The following PRKAA2 variants were observed in gnomAD, a reference collection of about 807,000 sequenced individuals.
The protein encoded by PRKAA2 is protein kinase AMP-activated catalytic subunit alpha 2.
PRKAA2 carries 40 observed loss-of-function variants against 56.3 expected under a neutral mutation model. The ratio of observed to expected loss-of-function variants is 0.71; its 90% CI spans 0.55 to 0.92. The LOEUF (loss-of-function observed/expected upper bound fraction) is 0.92. PRKAA2 is among the 40% of genes least tolerant of loss of function. The pLI is 0.00. For synonymous variants in PRKAA2, 214 were observed against 234.2 expected (o/e 0.91, Z 0.79); for missense variants, 542 against 686.9 (o/e 0.79, Z 2.36).
At position 56,645,546 on chromosome 1, in the gene PRKAA2, CG is replaced by C; in HGVS notation, c.94+68del. 3 of 1,371,856 alleles carry C rather than the reference CG, an allele frequency of 2.2e-6. No individual in the cohort carries two copies. In the African/African-American group the frequency reaches 4.6e-5, roughly 21 times the overall value. The allele number at this position is 1,371,856 out of a possible 1,614,324, so 85.0% of individuals were successfully genotyped here. On this transcript the variant is annotated intron_variant, in intron 1 of 8. Transcript: ENST00000371244. Reference sequence around the variant, plus strand: ...ACTTGCGGGAGGCCGAGGGGAGAGGCGGGAGCCCCGGGCCTCCGGCGGGCGC... The same window carrying C: ...ACTTGCGGGAGGCCGAGGGGAGAGGCGGAGCCCCGGGCCTCCGGCGGGCGC...
At chr1:56,661,106 T>G (rs2100390121) in intron 1 of PRKAA2, among the ~76,000 whole-genome samples, 1 of 152,258 alleles carries the variant, frequency 6.6e-6, no homozygotes, top group East Asian at 1.9e-4. Context: ...TGAGTTAAGG[T>G]TGCTGACCAC....
At chr1:56,664,297 A>T (rs1007103582) in intron 1 of PRKAA2, among the ~76,000 whole-genome samples, 1 of 151,424 alleles carries the variant, frequency 6.6e-6, no homozygotes, top group Admixed American at 6.6e-5. Flanking sequence ...TTTAATAGGG[A>T]CTCTTTTTAA....
intron 2 of PRKAA2, among the ~76,000 whole-genome samples, chr1:56,682,586 T>A (rs116526701): frequency 2.0e-5 from 3 of 152,128 alleles, no homozygotes; most frequent in African/African-American, 7.2e-5. Flanking sequence ...ACAAAGGGAT[T>A]TGAAGGCCTT....
intron 3 of PRKAA2, among the ~76,000 whole-genome samples, chr1:56,691,865 C>T (rs1322813848): frequency 6.6e-6 from 1 of 152,028 alleles, no homozygotes; most frequent in African/African-American, 2.4e-5. Flanking sequence ...AATATTTCTG[C>T]TTAGCGACAA....
chr1:56,676,327 C>T (rs922150395), intron 2 of PRKAA2, among the ~76,000 whole-genome samples: 4 of 151,986 alleles, frequency 2.6e-5, no homozygotes, highest in African/African-American at 9.7e-5. Flanking sequence ...AGAAAAGAGT[C>T]AGAGAAAAAG....
At chr1:56,676,561 T>A (rs1409668107) in intron 2 of PRKAA2, among the ~76,000 whole-genome samples, 1 of 152,158 alleles carries the variant, frequency 6.6e-6, no homozygotes, top group Admixed American at 6.5e-5. Context: ...GCTTTTAAGA[T>A]AAAGAACTGT....
intron 6 of PRKAA2, among the ~76,000 whole-genome samples, chr1:56,702,372 G>A (rs541256284): frequency 1.3e-5 from 2 of 152,106 alleles, no homozygotes; most frequent in Non-Finnish European, 2.9e-5. Context: ...CGTGAGCCAC[G>A]GCGCCCAGCA....
chr1:56,680,465 C>T (rs1269124584), intron 2 of PRKAA2, among the ~76,000 whole-genome samples: 1 of 152,018 alleles, frequency 6.6e-6, no homozygotes, highest in Non-Finnish European at 1.5e-5. Context: ...CCCATTAACT[C>T]GTCATTTACA....
rs375723174 is a variant in PRKAA2 at position 56,691,529 on chromosome 1, T to G, written c.330+42T>G. 5 of 1,486,434 alleles carry G rather than the reference T, an allele frequency of 3.4e-6. No individual in the cohort carries two copies. The South Asian group carries it at 6.1e-5, about 18-fold the overall frequency. 92.1% of individuals were successfully genotyped at this position (1,486,434 alleles called of 1,614,324 possible). A position where few individuals can be genotyped will look rare whatever the true frequency, so the allele number is the denominator to read the frequency against. The stretch of plus-strand genomic sequence containing the variant: ...CTGGTACACTAAATCTCTAAACTAA[T>G]AAAAAGGAAAGTATTGGGACATAGA... On this transcript the variant is annotated intron_variant, in intron 3 of 8. Coordinates refer to ENST00000371244, the MANE Select transcript of PRKAA2 (RefSeq NM_006252.4).
At chr1:56,671,261 A>C (rs897819050) in intron 1 of PRKAA2, among the ~76,000 whole-genome samples, 1 of 152,178 alleles carries the variant, frequency 6.6e-6, no homozygotes, top group African/African-American at 2.4e-5. Context: ...TTATTAGGCA[A>C]AAAAGGCTAA....
In PRKAA2 at chr1:56,709,803, T is replaced by C. The variant is rs941364963; in HGVS notation, c.*2090T>C. 1.6e-4 allele frequency: 24 copies of C among 152,182 alleles called. No homozygotes were observed. Among genetic ancestry groups the C allele is most frequent in the Admixed American group, 1.5e-3 (23 of 15,270 alleles). The allele number at this position is 152,182 out of a possible 1,614,324, so 9.4% of individuals were successfully genotyped here. A position where few individuals can be genotyped will look rare whatever the true frequency, so the allele number is the denominator to read the frequency against. On this transcript the variant is annotated 3_prime_UTR_variant, in exon 9 of 9. Coordinates refer to ENST00000371244, the MANE Select transcript of PRKAA2 (RefSeq NM_006252.4). The stretch of plus-strand genomic sequence containing the variant: ...ATTAAAAAATTGTTCATATCAAAAT[T>C]ACCTTATATGGATTATTGCCATGTT...
intron 1 of PRKAA2, among the ~76,000 whole-genome samples, chr1:56,648,086 A>G (rs75685470): frequency 0.032 from 4,890 of 152,178 alleles, 108 homozygotes; most frequent in South Asian, 0.1. Flanking sequence ...TTTATATATG[A>G]AATTCATCCA....
rs1186063466 is a variant in PRKAA2, at chr1:56,710,467, AAACTT to A, written c.*2757_*2761del. On this transcript the variant is annotated 3_prime_UTR_variant, in exon 9 of 9. Coordinates refer to ENST00000371244, the MANE Select transcript of PRKAA2 (RefSeq NM_006252.4). ...GCCCAAATTAATTTTTCATTTTAAA[AAACTT>A]AATAGCCCATGAAAAGCAAATTTGG... 2.6e-5 allele frequency: 4 copies of A among 152,160 alleles called. No homozygotes were observed. Among genetic ancestry groups the A allele is most frequent in the Non-Finnish European group, 5.9e-5 (4 of 67,982 alleles). The allele number at this position is 152,160 out of a possible 1,614,324, so 9.4% of individuals were successfully genotyped here.
chr1:56,688,014 T>G (rs938324234), intron 2 of PRKAA2, among the ~76,000 whole-genome samples: 6 of 152,340 alleles, frequency 3.9e-5, no homozygotes, highest in African/African-American at 1.4e-4. Context: ...AAAATAATAC[T>G]GAGAAGTATG....
Position 56,648,721 on chromosome 1 carries a change from T to C in PRKAA2, c.94+3240T>C, listed in dbSNP as rs189343851. On this transcript the variant is annotated intron_variant, in intron 1 of 8. Coordinates refer to ENST00000371244, the MANE Select transcript of PRKAA2 (RefSeq NM_006252.4). Reference sequence around the variant, plus strand: ...TGAGTATCTTTGCCAACATTTGTTATTGTCTGCCTGATTTATTATAGCCAT... The same window carrying C: ...TGAGTATCTTTGCCAACATTTGTTACTGTCTGCCTGATTTATTATAGCCAT... Among the ~76,000 whole-genome samples, 214 of 152,348 alleles carry C rather than the reference T, an allele frequency of 1.4e-3. 2 individuals carry two copies. The highest frequency in any genetic ancestry group is 5.0e-3 in the South Asian group (24 of 4,830).
chr1:56,707,240 G>T (rs2100440941), intron 8 of PRKAA2, among the ~76,000 whole-genome samples: 1 of 152,234 alleles, frequency 6.6e-6, no homozygotes, highest in East Asian at 1.9e-4. Flanking sequence ...TCCAATTTGA[G>T]CAGGACTTAG....
chr1:56,702,220 A>T (rs569417899), intron 6 of PRKAA2, among the ~76,000 whole-genome samples: 18 of 151,714 alleles, frequency 1.2e-4, no homozygotes, highest in African/African-American at 4.4e-4. Context: ...AGTAGCTGGG[A>T]TTATAGGCAT....
chr1:56,706,203 T>C lies in PRKAA2; in HGVS notation c.1405T>C (p.Phe469Leu). The change falls in exon 8 of 9, where the codon TTT becomes CTT. Residue 469 changes from phenylalanine (F) to leucine (L), a missense_variant. Transcript: ENST00000371244. ...LVDNRSYLLD[F>L]KSIDDEVVEQ... ...TGATAACAGGAGCTATCTTTTGGAC[T>C]TTAAAAGCATTGATGGTAAGGAAGC... The C allele has an allele frequency of 6.2e-7, 1 of 1,613,392 alleles. No individual in the cohort carries two copies. The highest frequency in any genetic ancestry group is 8.5e-7 in the Non-Finnish European group (1 of 1,179,850).
intron 1 of PRKAA2, among the ~76,000 whole-genome samples, chr1:56,651,285 C>T (rs1643896061): frequency 6.6e-6 from 1 of 152,260 alleles, no homozygotes; most frequent in East Asian, 1.9e-4. Context: ...AACATATTTT[C>T]AATACTTCAG....
Sources: allele counts gnomAD v4.1 joint callset (sites outside exome capture counted in the v4.1 genomes callset), GRCh38; gene constraint gnomAD v4.1.1; transcripts MANE v1.5; gene names NCBI Gene and HGNC (gene_info 2026-07-23, HGNC 2026-07-21).